Variants in PRRC2C observed in about 807,000 individuals in gnomAD.
The protein encoded by PRRC2C is proline rich coiled-coil 2C, also known as protein PRRC2C.
Under a neutral mutation model 317.2 loss-of-function variants are expected in PRRC2C, and 72 were observed. The ratio of observed to expected loss-of-function variants is 0.23; its 90% CI spans 0.19 to 0.28. PRRC2C has a LOEUF of 0.28. Among genes scored for constraint, PRRC2C ranks in the 10% least tolerant of loss-of-function variants. The pLI is 1.00. For synonymous variants in PRRC2C, 1,296 were observed against 1,205.9 expected (o/e 1.07, Z -1.55); for missense variants, 3,074 against 3,459.7 (o/e 0.89, Z 2.80).
chr1:171,576,082 G>A (rs1685649856), intron 25 of PRRC2C, among the ~76,000 whole-genome samples: 2 of 152,110 alleles, frequency 1.3e-5, no homozygotes, highest in Non-Finnish European at 2.9e-5. Context: ...AAATCAAACT[G>A]TGTTCCAACT....
rs1245947276 is a variant in PRRC2C at position 171,539,984 on chromosome 1, T to C, written c.2518T>C (p.Leu840=). 1.2e-6 allele frequency: 2 copies of C among 1,608,938 alleles called. No homozygotes were observed. Among genetic ancestry groups the C allele is most frequent in the African/African-American group, 2.7e-5 (2 of 74,642 alleles). The change falls in exon 16 of 35, where the codon TTG becomes CTG. Residue 840 remains leucine, a synonymous_variant. Coordinates refer to ENST00000647382, the MANE Select transcript of PRRC2C (RefSeq NM_001387844.1). The part of the protein sequence containing the change: ...EPEDVRSEAA[L]DQEQITAAYS... The stretch of plus-strand genomic sequence containing the variant: ...TTATCATCATAGGTCTGAAGCTGCG[T>C]TGGACCAGGAACAGATTACTGCTGC...
chr1:171,546,542 T>A (rs1450555688), intron 17 of PRRC2C, among the ~76,000 whole-genome samples: 1 of 152,186 alleles, frequency 6.6e-6, no homozygotes, highest in Non-Finnish European at 1.5e-5. Flanking sequence ...CAAAGTGTGG[T>A]CCCCACATCA....
At chr1:171,531,043 G>A (rs894182011) in intron 11 of PRRC2C, among the ~76,000 whole-genome samples, 3 of 152,150 alleles carry the variant, frequency 2.0e-5, no homozygotes, top group African/African-American at 7.2e-5. Context: ...CTATCCAGCA[G>A]TAAAATGGAG....
chr1:171,556,190 T>C (rs1469175492), intron 18 of PRRC2C, among the ~76,000 whole-genome samples: 1 of 152,184 alleles, frequency 6.6e-6, no homozygotes, highest in Non-Finnish European at 1.5e-5. Context: ...ACTGCTGCGC[T>C]AGCAGTGAGC....
At chr1:171,531,617 ATTAC>A (rs1675906680) in intron 11 of PRRC2C, among the ~76,000 whole-genome samples, 1 of 152,162 alleles carries the variant, frequency 6.6e-6, no homozygotes, top group African/African-American at 2.4e-5. Flanking sequence ...CATTTTTTTA[ATTAC>A]TTTTATTGTT....
chr1:171,503,229 A>T (rs1173359906), intron 1 of PRRC2C, among the ~76,000 whole-genome samples: 1 of 152,110 alleles, frequency 6.6e-6, no homozygotes, highest in Non-Finnish European at 1.5e-5. Context: ...ATGTTCATAT[A>T]AATGTGTTTG....
At chr1:171,496,601 A>G (rs1668144307) in intron 1 of PRRC2C, among the ~76,000 whole-genome samples, 1 of 152,042 alleles carries the variant, frequency 6.6e-6, no homozygotes, top group African/African-American at 2.4e-5. Flanking sequence ...TATTTACTTT[A>G]TTATTTTCTG....
chr1:171,547,725 C>G (rs1679426740), intron 17 of PRRC2C, among the ~76,000 whole-genome samples: 1 of 146,218 alleles, frequency 6.8e-6, no homozygotes, highest in Non-Finnish European at 1.5e-5. Flanking sequence ...CTCACTGCAA[C>G]CTCTACCTCC....
chr1:171,507,507 A>C (rs1670488072), intron 1 of PRRC2C, among the ~76,000 whole-genome samples: 1 of 152,148 alleles, frequency 6.6e-6, no homozygotes, highest in Admixed American at 6.5e-5. Flanking sequence ...ACTACTTGGG[A>C]GGCAGAAGCA....
At chr1:171,489,080 C>G (rs900939011) in intron 1 of PRRC2C, among the ~76,000 whole-genome samples, 2 of 152,086 alleles carry the variant, frequency 1.3e-5, no homozygotes, top group African/African-American at 4.8e-5. Context: ...TCCTCATCAC[C>G]TTGTATGGTG....
At chr1:171,501,608 A>G (rs528805538) in intron 1 of PRRC2C, among the ~76,000 whole-genome samples, 56 of 152,330 alleles carry the variant, frequency 3.7e-4, no homozygotes, top group African/African-American at 1.1e-3. Flanking sequence ...TCTGCCCTTA[A>G]TGATTGAGAT....
At position 171,540,336 on chromosome 1, in the gene PRRC2C, A is replaced by G; in HGVS notation, c.2870A>G (p.Asp957Gly). ...GIPKVTSRCI[D>G]SKEPIERPEE... ...CCTAAAGTAACCAGCAGATGCATTG[A>G]TTCAAAAGAACCAATAGAAAGGCCA... Residue 957 changes from aspartate to glycine, a missense_variant, in exon 16 of 35, where the codon GAT becomes GGT. Asp to Gly is a moderately conservative substitution (Grantham distance 94, BLOSUM62 -1). This residue lies in a region of PRRC2C where 1,320 missense variants were observed against 1,395.7 expected (regional missense o/e 0.95). Coordinates refer to ENST00000647382, the MANE Select transcript of PRRC2C (RefSeq NM_001387844.1). The G allele has an allele frequency of 6.2e-7, 1 of 1,613,414 alleles. No homozygotes were observed. Among genetic ancestry groups the G allele is most frequent in the Non-Finnish European group, 8.5e-7 (1 of 1,179,718 alleles).
intron 1 of PRRC2C, among the ~76,000 whole-genome samples, chr1:171,501,875 A>T (rs1669175157): frequency 6.6e-6 from 1 of 152,204 alleles, no homozygotes; most frequent in African/African-American, 2.4e-5. Flanking sequence ...GGTTATGCTG[A>T]GTGCATCTGT....
At chr1:171,487,165 T>G (rs1457030545) in intron 1 of PRRC2C, among the ~76,000 whole-genome samples, 1 of 152,186 alleles carries the variant, frequency 6.6e-6, no homozygotes, top group Non-Finnish European at 1.5e-5. Flanking sequence ...ATAAGTCCTT[T>G]TCATACATTT....
chr1:171,534,873 G>C (rs1009419014), intron 12 of PRRC2C, among the ~76,000 whole-genome samples: 1 of 152,162 alleles, frequency 6.6e-6, no homozygotes, highest in Non-Finnish European at 1.5e-5. Flanking sequence ...TGTAACAAGC[G>C]TGGATTTGTA....
chr1:171,566,753 G>A lies in PRRC2C; in HGVS notation c.6468G>A (p.Thr2156=), dbSNP rs775348017. The A allele has an allele frequency of 8.1e-6, 13 of 1,613,508 alleles. No individual in the cohort carries two copies. The East Asian group carries it at 8.9e-5, about 11-fold the overall frequency. Residue 2156 remains threonine (T), a synonymous_variant, in exon 22 of 35, where the codon ACG becomes ACA. Coordinates refer to ENST00000647382, the MANE Select transcript of PRRC2C (RefSeq NM_001387844.1). ...CAGTCAGAAGCACAGATCCTGTCAC[G>A]ACAAAGGAGACTAAAGCAGTCTCAG... is the stretch of plus-strand genomic sequence containing the variant. ...PATVRSTDPV[T]TKETKAVSEM... is the part of the protein sequence containing the mutation.
Position 171,571,267 on chromosome 1 carries a change from CT to C in PRRC2C, c.6652-50del, listed in dbSNP as rs143120153. On this transcript the variant is annotated intron_variant, in intron 23 of 34. Transcript: ENST00000647382. The stretch of plus-strand genomic sequence containing the variant: ...CACCTTAGCATTGTCTTTAATGGGG[CT>C]TTCGTAGTAGACACATAGTTAGATT... The C allele has an allele frequency of 7.2e-3, 7,648 of 1,066,070 alleles. 40 individuals carry two copies. The highest frequency in any genetic ancestry group is 9.2e-3 in the Non-Finnish European group (6,385 of 696,046). 66.0% of individuals were successfully genotyped at this position (1,066,070 alleles called of 1,614,324 possible). A position where few individuals can be genotyped will look rare whatever the true frequency, so the allele number is the denominator to read the frequency against.
Position 171,541,941 on chromosome 1 carries a change from A to C in PRRC2C, c.4475A>C (p.Asp1492Ala). The C allele has an allele frequency of 6.2e-7, 1 of 1,613,944 alleles. No individual in the cohort carries two copies. Among genetic ancestry groups the C allele is most frequent in the Non-Finnish European group, 8.5e-7 (1 of 1,179,852 alleles). Residue 1492 changes from aspartate (D) to alanine (A), a missense_variant, in exon 16 of 35, where the codon GAT becomes GCT. Physicochemically the swap from Asp to Ala is moderately radical, Grantham distance 126 (BLOSUM62 -2). Coordinates refer to ENST00000647382, the MANE Select transcript of PRRC2C (RefSeq NM_001387844.1). This position sits in a 1 kb window ranked among gnomAD's most constrained non-coding sequence, Gnocchi z 4.1. ...GATTTATCTAATCAGAACTCTTCAG[A>C]TCAGGCAAATGAAGAATGGGAAACA... ...TPDLSNQNSS[D>A]QANEEWETAS...
intron 16 of PRRC2C, among the ~76,000 whole-genome samples, chr1:171,543,744 A>G (rs1476137012): frequency 1.3e-5 from 2 of 152,256 alleles, no homozygotes; most frequent in East Asian, 1.9e-4. Flanking sequence ...TGATATAACT[A>G]AATACCTGAG....
Sources: gnomAD v4.1 joint callset for allele counts (sites outside exome capture counted in the v4.1 genomes callset) on GRCh38, gnomAD v4.1.1 for gene constraint, gnomAD v4.1.1 regional missense constraint, Gnocchi (gnomAD v3.1) non-coding constraint, MANE v1.5 for transcripts, NCBI Gene and HGNC (gene_info 2026-07-23, HGNC 2026-07-21) for gene names.